The following WDR4 variants were observed in gnomAD, a reference collection of about 807,000 sequenced individuals.
WDR4 encodes the protein tRNA (guanine-N(7)-)-methyltransferase non-catalytic subunit WDR4.
In WDR4, 47 loss-of-function variants were observed where a neutral mutation model predicts 48.6. The observed-to-expected ratio is 0.97, with a 90% CI of 0.77 to 1.23. The LOEUF is 1.23. Ranked by LOEUF, WDR4 falls within the 50% of genes most tolerant of loss-of-function variation. WDR4 has a pLI of 0.00. For synonymous variants in WDR4, 268 were observed against 230.0 expected, an observed-to-expected ratio of 1.17 and a Z score of -1.49; for missense variants, 606 against 551.6, an observed-to-expected ratio of 1.10 and a Z score of -0.99.
intron 3 of WDR4, among the ~76,000 whole-genome samples, chr21:42,870,288 T>A (rs1264493444): frequency 6.6e-6 from 1 of 152,182 alleles, no homozygotes; most frequent in Admixed American, 6.5e-5. Context: ...GAGGTGGAGG[T>A]TGCAGTGAGC....
intron 6 of WDR4, among the ~76,000 whole-genome samples, chr21:42,856,453 G>A (rs2057994993): frequency 6.6e-6 from 1 of 152,096 alleles, no homozygotes; most frequent in East Asian, 1.9e-4. Flanking sequence ...CACTGCAGTG[G>A]CTATTCACAG....
Position 42,862,311 on chromosome 21 carries a change from G to A in WDR4, c.537C>T (p.Ser179=). ...TGTGCCCCAAGCAGAAGGACTCGATGCTATGGGGCGCCGCGGCCCAGCTGA... is the reference window on the plus strand; with the variant it reads ...TGTGCCCCAAGCAGAAGGACTCGATACTATGGGGCGCCGCGGCCCAGCTGA... ...IRVSWAAAPH[S]IESFCLGHTE... The change falls in exon 5 of 11, where the codon AGC becomes AGT. Residue 179 remains serine, a synonymous_variant. Coordinates refer to ENST00000398208, the MANE Select transcript of WDR4 (RefSeq NM_018669.6). This position sits in a 1 kb window ranked among gnomAD's most constrained non-coding sequence, Gnocchi z 4.3. The A allele has an allele frequency of 6.2e-7, 1 of 1,611,084 alleles. No individual in the cohort carries two copies. The highest frequency in any genetic ancestry group is 8.5e-7 in the Non-Finnish European group (1 of 1,179,018).
intron 1 of WDR4, chr21:42,879,139 G>A: frequency 1.6e-6 from 2 of 1,250,688 alleles, no homozygotes; most frequent in South Asian, 2.8e-5. Flanking sequence ...GCGCTAACCG[G>A]GCAAGAACAC....
chr21:42,876,799 G>A (rs770599704), intron 1 of WDR4, 32 bp from the exon 2 acceptor site: 16 of 1,586,992 alleles, frequency 1.0e-5, no homozygotes, highest in African/African-American at 1.4e-5. Flanking sequence ...TTTAAAAGGA[G>A]TTATCATTAG....
At chr21:42,843,946 T>C (rs981335331) in intron 11 of WDR4, among the ~76,000 whole-genome samples, 1 of 152,194 alleles carries the variant, frequency 6.6e-6, no homozygotes. Flanking sequence ...CTGCCTCAAC[T>C]TCCCAAAGTG....
intron 2 of WDR4, among the ~76,000 whole-genome samples, chr21:42,874,927 C>A (rs1175730333): frequency 6.6e-6 from 1 of 152,162 alleles, no homozygotes; most frequent in Admixed American, 6.5e-5. Flanking sequence ...CCTATTCGTA[C>A]ACTCCCTCCC....
At chr21:42,850,328 T>C in intron 10 of WDR4, 86 bp from the exon 11 acceptor site, 5 of 1,265,732 alleles carry the variant, frequency 4.0e-6, no homozygotes, top group Non-Finnish European at 5.4e-6. Context: ...AGCAGGGAGT[T>C]ACCTCGTGAC....
At position 42,873,645 on chromosome 21, in the gene WDR4, T is replaced by C. The variant is rs773412854; in HGVS notation, c.202A>G (p.Thr68Ala). Residue 68 changes from threonine to alanine, a missense_variant, in exon 3 of 11, where the codon ACC (threonine) becomes GCC (alanine). Transcript: ENST00000398208. Reference protein sequence around the residue: ...DQGSGAILASTFSKSGSYFAL... With the variant: ...DQGSGAILASAFSKSGSYFAL... ...AAATAGCTGCCAGACTTGGAGAAGG[T>C]GGACGCCAGAATCGCACCGCTCCCC... The C allele has an allele frequency of 3.7e-6, 6 of 1,614,126 alleles. No homozygotes were observed. Among genetic ancestry groups the C allele is most frequent in the Non-Finnish European group, 5.1e-6 (6 of 1,180,030 alleles).
chr21:42,862,406 G>A lies in WDR4; in HGVS notation c.454-12C>T, dbSNP rs976842143. On this transcript the variant is annotated splice_polypyrimidine_tract_variant and intron_variant, in intron 4 of 10. Transcript: ENST00000398208. This position sits in a 1 kb window ranked among gnomAD's most constrained non-coding sequence, Gnocchi z 4.3. The stretch of plus-strand genomic sequence containing the variant: ...TCAGGACTCACAGCCTGCATCACCA[G>A]GGGCCAGAAAAGAAAAAGCCGCTCA... The A allele has an allele frequency of 6.3e-7, 1 of 1,590,020 alleles. No homozygotes were observed. Among genetic ancestry groups the A allele is most frequent in the Admixed American group, 1.8e-5 (1 of 56,712 alleles).
At position 42,853,763 on chromosome 21, in the gene WDR4, A is replaced by G; in HGVS notation, c.792-11T>C. ...TAGACCACAGGAGTGCTTGCCACGA[A>G]GAAAGAGAGCATGATTACTAGGACT... On this transcript the variant is annotated splice_polypyrimidine_tract_variant and intron_variant, in intron 8 of 10. Coordinates refer to ENST00000398208, the MANE Select transcript of WDR4 (RefSeq NM_018669.6). 6.5e-7 allele frequency: 1 copy of G among 1,547,802 alleles called. No homozygotes were observed.
chr21:42,885,575 C>T, the WDR4 span, among the ~76,000 whole-genome samples: 1 of 150,024 alleles, frequency 6.7e-6, no homozygotes, highest in Non-Finnish European at 1.5e-5. Flanking sequence ...CACCATTGCA[C>T]TCCAGCCTGG....
At chr21:42,847,602 C>G (rs2145980628), downstream of WDR4, among the ~76,000 whole-genome samples, 1 of 152,366 alleles carries the variant, frequency 6.6e-6, no homozygotes, top group Non-Finnish European at 1.5e-5. Flanking sequence ...GTCCCAGCCA[C>G]TCCACTCTGC....
chr21:42,848,589 G>A (rs1250177543), downstream of WDR4, among the ~76,000 whole-genome samples: 1 of 66,206 alleles, frequency 1.5e-5, no homozygotes, highest in East Asian at 3.6e-4. Flanking sequence ...CACAGCACAC[G>A]ATCACGCAGC....
intron 3 of WDR4, among the ~76,000 whole-genome samples, chr21:42,867,516 T>C (rs1400669238): frequency 1.3e-5 from 2 of 152,100 alleles, no homozygotes; most frequent in African/African-American, 4.8e-5. Flanking sequence ...GGACGAAAAG[T>C]GCTTTGCACT....
chr21:42,864,431 TCAGA>T (rs1297892016), intron 3 of WDR4, among the ~76,000 whole-genome samples: 2 of 152,026 alleles, frequency 1.3e-5, no homozygotes, highest in Admixed American at 6.5e-5. Flanking sequence ...ACCAGGAGCC[TCAGA>T]CAGAGAGCCG....
chr21:42,856,634 G>A (rs1056819634), intron 6 of WDR4, among the ~76,000 whole-genome samples: 19 of 152,156 alleles, frequency 1.2e-4, no homozygotes, highest in Non-Finnish European at 2.4e-4. Context: ...TAAATCTAAT[G>A]AGAGAGTGTC....
Position 42,849,822 on chromosome 21 carries a change from C to T in WDR4, c.*227G>A, listed in dbSNP as rs1379024167. The T allele has an allele frequency of 3.7e-5, 19 of 520,458 alleles. No homozygotes were observed. The highest frequency in any genetic ancestry group is 1.0e-5 in the Non-Finnish European group (3 of 301,420). 32.2% of individuals were successfully genotyped at this position (520,458 alleles called of 1,614,324 possible). ...AGAAAGTGCTTCAAGAGCTTCCACTCCACTGGTCTGGCTTCCCTTCAACCA... is the reference window on the plus strand; with the variant it reads ...AGAAAGTGCTTCAAGAGCTTCCACTTCACTGGTCTGGCTTCCCTTCAACCA... On this transcript the variant is annotated 3_prime_UTR_variant, in exon 11 of 11. Coordinates refer to ENST00000398208, the MANE Select transcript of WDR4 (RefSeq NM_018669.6).
intron 1 of WDR4, chr21:42,878,953 G>A (rs1035638528): frequency 2.0e-6 from 2 of 990,498 alleles, no homozygotes; most frequent in Non-Finnish European, 2.4e-6. Flanking sequence ...GCGCTTGGAG[G>A]TCAGTGAGCT....
downstream of WDR4, among the ~76,000 whole-genome samples, chr21:42,844,898 A>G (rs2145976787): frequency 6.6e-6 from 1 of 152,296 alleles, no homozygotes; most frequent in South Asian, 2.1e-4. Flanking sequence ...AAGCCAGGAA[A>G]AGCAAGCACA....
Sources: gnomAD v4.1 joint callset for allele counts (sites outside exome capture counted in the v4.1 genomes callset) on GRCh38, gnomAD v4.1.1 for gene constraint, Gnocchi (gnomAD v3.1) non-coding constraint, MANE v1.5 for transcripts, NCBI Gene and HGNC (gene_info 2026-07-23, HGNC 2026-07-21) for gene names.